Variants in PDZD2 observed in about 807,000 individuals in gnomAD.
The protein encoded by PDZD2 is PDZ domain containing 2.
PDZD2 carries 90 observed loss-of-function variants against 220.7 expected under a neutral mutation model. That is an observed-to-expected ratio of 0.41 (90% CI 0.34 to 0.49). The LOEUF is 0.49. PDZD2 is among the 20% of genes least tolerant of loss of function. The pLI, the probability that PDZD2 is intolerant of heterozygous loss-of-function variation, is 0.28. For missense variants in PDZD2, 3,174 were observed against 3,608.5 expected (o/e 0.88, Z 3.08); for synonymous variants, 1,375 against 1,450.5 (o/e 0.95, Z 1.18).
chr5:32,037,664 C>T (rs886085864), intron 7 of PDZD2, among the ~76,000 whole-genome samples: 1 of 152,146 alleles, frequency 6.6e-6, no homozygotes, highest in Non-Finnish European at 1.5e-5. Context: ...AATATCAAAT[C>T]TGCATTTCAA....
intron 1 of PDZD2, among the ~76,000 whole-genome samples, chr5:31,671,827 T>C (rs760758786): frequency 2.0e-5 from 3 of 152,234 alleles, no homozygotes; most frequent in South Asian, 4.1e-4. Context: ...TCTGTAGTTA[T>C]GCGGTCAGGT....
chr5:32,018,485 C>T (rs1437631134), intron 6 of PDZD2, among the ~76,000 whole-genome samples: 2 of 152,230 alleles, frequency 1.3e-5, no homozygotes, highest in Middle Eastern at 3.2e-3. Flanking sequence ...ACAGATCCCC[C>T]AACCTGCTCC....
chr5:31,805,317 T>G (rs1301774919), intron 2 of PDZD2, among the ~76,000 whole-genome samples: 1 of 152,234 alleles, frequency 6.6e-6, no homozygotes, highest in African/African-American at 2.4e-5. Flanking sequence ...GAGTTGAAAG[T>G]GTTTTGAATG....
chr5:31,941,529 C>T (rs185039249), intron 2 of PDZD2, among the ~76,000 whole-genome samples: 1 of 152,332 alleles, frequency 6.6e-6, no homozygotes, highest in Admixed American at 6.5e-5. Flanking sequence ...GTCCTTTGCA[C>T]AATCTGTTTT....
At chr5:31,977,522 T>G (rs1749894696) in intron 2 of PDZD2, among the ~76,000 whole-genome samples, 1 of 152,120 alleles carries the variant, frequency 6.6e-6, no homozygotes, top group South Asian at 2.1e-4. Flanking sequence ...CCCGCCAACC[T>G]CTTCCCAGGA....
intron 2 of PDZD2, among the ~76,000 whole-genome samples, chr5:31,846,219 C>T (rs1346588615): frequency 2.6e-5 from 4 of 152,166 alleles, no homozygotes; most frequent in South Asian, 2.1e-4. Context: ...CTGCAACCTC[C>T]GCATCCCGGG....
Position 31,697,793 on chromosome 5 carries a change from C to A in PDZD2, c.-361+58356C>A, listed in dbSNP as rs191902281. Among the ~76,000 whole-genome samples the A allele has an allele frequency of 5.9e-3, 895 of 152,294 alleles. 11 individuals are homozygous for A. Among genetic ancestry groups the A allele is most frequent in the African/African-American group, 0.02 (846 of 41,546 alleles). The stretch of plus-strand genomic sequence containing the variant: ...CCCTTCAAGCCAAGAAGCCACGAGA[C>A]CTTTGGGTCTGGTTGGGATGCCCTG... On this transcript the variant is annotated intron_variant, in intron 1 of 24. Coordinates refer to ENST00000438447, the MANE Select transcript of PDZD2 (RefSeq NM_178140.4).
rs775343174 is a variant in PDZD2 at position 32,000,344 on chromosome 5, C to T, written c.1254+73C>T. 1.4e-6 allele frequency: 2 copies of T among 1,381,750 alleles called. No homozygotes were observed. The highest frequency in any genetic ancestry group is 3.5e-5 in the Admixed American group (2 of 56,446). The allele number at this position is 1,381,750 out of a possible 1,614,324, so 85.6% of individuals were successfully genotyped here. A position where few individuals can be genotyped will look rare whatever the true frequency, so the allele number is the denominator to read the frequency against. On this transcript the variant is annotated intron_variant, in intron 5 of 24. Coordinates refer to ENST00000438447, the MANE Select transcript of PDZD2 (RefSeq NM_178140.4). This position sits in a 1 kb window ranked among gnomAD's most constrained non-coding sequence, Gnocchi z 4.5. The stretch of plus-strand genomic sequence containing the variant: ...TTGGGGTTGAGCCCCACCTCCCATG[C>T]CACACACACACACAAAGACATGTGT...
At chr5:31,895,978 A>G (rs1275309854) in intron 2 of PDZD2, among the ~76,000 whole-genome samples, 1 of 151,988 alleles carries the variant, frequency 6.6e-6, no homozygotes, top group Non-Finnish European at 1.5e-5. Context: ...CCCCAGCCAC[A>G]CTATGCAATA....
At chr5:31,652,052 C>T (rs1341384515) in intron 1 of PDZD2, among the ~76,000 whole-genome samples, 3 of 145,114 alleles carry the variant, frequency 2.1e-5, no homozygotes, top group Admixed American at 1.4e-4. Flanking sequence ...AGGCTGGTCT[C>T]GAACTCCCGA....
At chr5:32,074,810 C>CTTTTT (rs33999865) in intron 18 of PDZD2, among the ~76,000 whole-genome samples, 167 bp downstream of exon 18, 1 of 145,312 alleles carries the variant, frequency 6.9e-6, no homozygotes, top group Non-Finnish European at 1.5e-5. Flanking sequence ...GCTTGGAAGC[C>CTTTTT]TTTTTTTTTT....
At chr5:31,731,475 G>A (rs1439833615) in intron 1 of PDZD2, among the ~76,000 whole-genome samples, 2 of 152,108 alleles carry the variant, frequency 1.3e-5, no homozygotes, top group East Asian at 1.9e-4. Flanking sequence ...GCGGTCACTC[G>A]CTATTGGCCC....
At chr5:31,875,473 C>A (rs1303035703) in intron 2 of PDZD2, among the ~76,000 whole-genome samples, 1 of 150,954 alleles carries the variant, frequency 6.6e-6, no homozygotes, top group Non-Finnish European at 1.5e-5. Flanking sequence ...GTAATCCTGG[C>A]GACTTAGGAG....
chr5:32,061,160 C>A (rs779915217), intron 14 of PDZD2, 26 bp downstream of exon 14: 3 of 1,611,756 alleles, frequency 1.9e-6, no homozygotes, highest in Non-Finnish European at 2.5e-6. Flanking sequence ...CTCTTCTGAA[C>A]GTGGGAAGAT....
intron 2 of PDZD2, among the ~76,000 whole-genome samples, chr5:31,855,558 C>T (rs1421462516): frequency 1.3e-5 from 2 of 152,302 alleles, no homozygotes; most frequent in East Asian, 1.9e-4. Context: ...CCGGTAGGGG[C>T]GGGGGGCATG....
intron 7 of PDZD2, among the ~76,000 whole-genome samples, chr5:32,041,176 T>G (rs1581354541): frequency 8.0e-6 from 1 of 124,952 alleles, no homozygotes; most frequent in Non-Finnish European, 1.7e-5. Flanking sequence ...GTCTGGGAAG[T>G]GGGGAGCGCC....
chr5:31,754,265 C>G (rs1266877495), intron 1 of PDZD2: 3 of 152,244 alleles, frequency 2.0e-5, no homozygotes, highest in African/African-American at 7.2e-5. Flanking sequence ...TGTGCACCCC[C>G]ACCCCATCCT....
intron 1 of PDZD2, among the ~76,000 whole-genome samples, chr5:31,730,592 G>GTGTGTGTGTGTGGT (rs3222598): frequency 8.3e-6 from 1 of 121,172 alleles, no homozygotes; most frequent in South Asian, 2.8e-4. Context: ...GTGTGTGTGT[G>GTGTGTGTGTGTGGT]GTGTGTGTGT....
chr5:32,054,476 G>A lies in PDZD2; in HGVS notation c.1900+593G>A, dbSNP rs1163647908. Among the ~76,000 whole-genome samples the A allele has an allele frequency of 4.0e-5, 6 of 151,486 alleles. No individual in the cohort carries two copies. The South Asian group carries it at 6.3e-4, about 16-fold the overall frequency. ...GTAGCTGGGACTATAGGTGCACACC[G>A]TCATGCCTGGCTAATTTTTGTATAT... On this transcript the variant is annotated intron_variant, in intron 10 of 24. Transcript: ENST00000438447.
Sources: allele counts gnomAD v4.1 joint callset (sites outside exome capture counted in the v4.1 genomes callset), GRCh38; gene constraint gnomAD v4.1.1; non-coding constraint Gnocchi (gnomAD v3.1); transcripts MANE v1.5; gene names NCBI Gene and HGNC (gene_info 2026-07-23, HGNC 2026-07-21).